The following ANGPT2 variants were observed in gnomAD, a reference collection of about 807,000 sequenced individuals.
ANGPT2 encodes angiopoietin-2.
Under a neutral mutation model 62.9 loss-of-function variants are expected in ANGPT2, and 28 were observed. The observed-to-expected ratio is 0.44, with a 90% confidence interval of 0.33 to 0.61. The LOEUF (loss-of-function observed/expected upper bound fraction) is 0.61, where lower values mean the gene tolerates loss of function less well. Among genes scored for constraint, ANGPT2 ranks in the 20% least tolerant of loss-of-function variants. The probability of loss-of-function intolerance (pLI) is 0.03; values close to 1 mark genes in which losing one functional copy is unlikely to be tolerated. For missense variants in ANGPT2, 727 were observed against 594.9 expected (o/e 1.22, Z -2.31); for synonymous variants, 284 against 207.8 (o/e 1.37, Z -3.15).
chr8:6,527,153 G>C (rs946303697), intron 3 of ANGPT2, among the ~76,000 whole-genome samples: 3 of 152,182 alleles, frequency 2.0e-5, no homozygotes, highest in African/African-American at 7.2e-5. Flanking sequence ...CACAGCACTA[G>C]CTGTATTTTT....
At chr8:6,508,897 C>G (rs986625651) in intron 8 of ANGPT2, 35 bp downstream of exon 8, 1 of 1,613,588 alleles carries the variant, frequency 6.2e-7, no homozygotes, top group African/African-American at 1.3e-5. Context: ...TCATTCCTTG[C>G]CAATACAAAT....
In ANGPT2 at chr8:6,502,061, C is replaced by T. The variant is rs980407241; in HGVS notation, c.*1040G>A. ...AATTTCTTAAATAGAAGGCTTTTCT[C>T]AACCAGAAATTAAATTGTAGTCTAG... On this transcript the variant is annotated 3_prime_UTR_variant, in exon 9 of 9. Transcript: ENST00000629816. The T allele has an allele frequency of 6.6e-6, 1 of 151,862 alleles. No individual in the cohort carries two copies. The highest frequency in any genetic ancestry group is 3.4e-3 in the Middle Eastern group (1 of 290). The allele number at this position is 151,862 out of a possible 1,614,324, so 9.4% of individuals were successfully genotyped here.
chr8:6,536,588 G>C (rs879558365), intron 1 of ANGPT2, among the ~76,000 whole-genome samples: 2 of 152,232 alleles, frequency 1.3e-5, no homozygotes, highest in African/African-American at 4.8e-5. Context: ...CCTGACAAAA[G>C]AATCTGTGTT....
chr8:6,506,425 T>G (rs1362012951), intron 8 of ANGPT2, among the ~76,000 whole-genome samples: 1 of 152,168 alleles, frequency 6.6e-6, no homozygotes, highest in East Asian at 1.9e-4. Flanking sequence ...AAATCTTGAT[T>G]TGCCTAAGTA....
rs78406495 is a variant in ANGPT2 at position 6,527,454 on chromosome 8, A to G, written c.566+101T>C. 7.2e-3 allele frequency: 10,314 copies of G among 1,440,252 alleles called. 612 individuals are homozygous for G. The African/African-American group carries it at 0.12, about 17-fold the overall frequency. The allele number at this position is 1,440,252 out of a possible 1,614,324, so 89.2% of individuals were successfully genotyped here. A position where few individuals can be genotyped will look rare whatever the true frequency, so the allele number is the denominator to read the frequency against. On this transcript the variant is annotated intron_variant, in intron 3 of 8. Coordinates refer to ENST00000629816, the MANE Select transcript of ANGPT2 (RefSeq NM_001118887.2). The stretch of plus-strand genomic sequence containing the variant: ...GAGGTTTCTGACCCTTACACTAGAC[A>G]TGAAGAAACTCACCATTCTGATAAT...
At chr8:6,544,358 CT>C (rs1419983058) in intron 1 of ANGPT2, among the ~76,000 whole-genome samples, 17 of 152,186 alleles carry the variant, frequency 1.1e-4, no homozygotes, top group Admixed American at 3.3e-4. Flanking sequence ...TTTGACTGTG[CT>C]GGAAAGAGAG....
chr8:6,504,225 G>A (rs1252613649), intron 8 of ANGPT2, among the ~76,000 whole-genome samples: 5 of 150,358 alleles, frequency 3.3e-5, no homozygotes, highest in African/African-American at 4.9e-5. Flanking sequence ...GGCTGAGGCA[G>A]GAGAATGGCG....
At chr8:6,509,083 A>C (rs1237909838) in intron 7 of ANGPT2, 21 bp from the exon 8 acceptor site, 1 of 1,610,690 alleles carries the variant, frequency 6.2e-7, no homozygotes, top group African/African-American at 1.3e-5. Context: ...GCAAAGAAAA[A>C]AAACACATTG....
chr8:6,547,059 G>A (rs141543755), intron 1 of ANGPT2, among the ~76,000 whole-genome samples: 30 of 152,176 alleles, frequency 2.0e-4, no homozygotes, highest in African/African-American at 3.1e-4. Context: ...CGTGTGTACC[G>A]TGGTTGCCTT....
chr8:6,512,602 C>T (rs1815380432), intron 7 of ANGPT2, among the ~76,000 whole-genome samples: 4 of 152,302 alleles, frequency 2.6e-5, no homozygotes, highest in South Asian at 2.1e-4. Context: ...CTGCCCCTCC[C>T]GTTGCACACA....
At chr8:6,556,460 C>A (rs768301935) in intron 1 of ANGPT2, among the ~76,000 whole-genome samples, 6 of 152,004 alleles carry the variant, frequency 3.9e-5, no homozygotes, top group Admixed American at 1.3e-4. Flanking sequence ...CCCCACCCCA[C>A]AGTCCCTCAC....
intron 6 of ANGPT2, 96 bp downstream of exon 6, chr8:6,514,581 T>G: frequency 9.6e-7 from 1 of 1,045,470 alleles, no homozygotes; most frequent in Non-Finnish European, 1.5e-6. Flanking sequence ...CAAAAGTCAT[T>G]GGTTAGTTTG....
chr8:6,526,633 T>G (rs897318182), intron 3 of ANGPT2, among the ~76,000 whole-genome samples: 2 of 152,234 alleles, frequency 1.3e-5, no homozygotes, highest in Non-Finnish European at 2.9e-5. Flanking sequence ...CAGAAAGAAT[T>G]ATTTCAGCTT....
intron 3 of ANGPT2, among the ~76,000 whole-genome samples, chr8:6,523,588 G>A (rs1180569385): frequency 6.6e-6 from 1 of 151,938 alleles, no homozygotes; most frequent in African/African-American, 2.4e-5. Flanking sequence ...AGGGTTTTTT[G>A]TTTTTTGTTT....
intron 1 of ANGPT2, among the ~76,000 whole-genome samples, chr8:6,544,052 G>C (rs1286154410): frequency 3.3e-5 from 5 of 152,198 alleles, no homozygotes; most frequent in Admixed American, 2.6e-4. Flanking sequence ...TGGAGCAAAA[G>C]CAAAACAATA....
intron 2 of ANGPT2, among the ~76,000 whole-genome samples, chr8:6,528,574 G>A (rs192254578): frequency 6.6e-6 from 1 of 152,240 alleles, no homozygotes; most frequent in East Asian, 1.9e-4. Context: ...GTGTGAAGCG[G>A]AGCCTCAGCC....
intron 1 of ANGPT2, among the ~76,000 whole-genome samples, chr8:6,542,927 C>A (rs2515487): frequency 0.19 from 29,142 of 152,156 alleles, 3,059 homozygotes; most frequent in East Asian, 0.28. Context: ...AGACATTTTC[C>A]AGGCAAACTA....
At chr8:6,525,758 GA>G (rs982082392) in intron 3 of ANGPT2, among the ~76,000 whole-genome samples, 1 of 151,910 alleles carries the variant, frequency 6.6e-6, no homozygotes, top group African/African-American at 2.4e-5. Flanking sequence ...AGCTGTTGAT[GA>G]AAAAAACCTT....
In ANGPT2 at chr8:6,533,124, A is replaced by G. The variant is rs953595236; in HGVS notation, c.289-637T>C. Among the ~76,000 whole-genome samples, 47 of 152,170 alleles carry G rather than the reference A, an allele frequency of 3.1e-4. 1 individual carries two copies. ...TGTATGCATTTTTCACAATTTTGTC[A>G]TTTCATGTATCAAGCAAACTTTTAA... On this transcript the variant is annotated intron_variant, in intron 1 of 8. Coordinates refer to ENST00000629816, the MANE Select transcript of ANGPT2 (RefSeq NM_001118887.2).
Sources: gnomAD v4.1 joint callset for allele counts (sites outside exome capture counted in the v4.1 genomes callset) on GRCh38, gnomAD v4.1.1 for gene constraint, MANE v1.5 for transcripts, NCBI Gene and HGNC (gene_info 2026-07-23, HGNC 2026-07-21) for gene names.